Variants in MBD5 observed in about 807,000 individuals in gnomAD.
MBD5 encodes the protein methyl-CpG binding domain protein 5, also known as methyl-CpG-binding domain protein 5.
In MBD5, 13 loss-of-function variants were observed where a neutral mutation model predicts 117.3. The observed-to-expected ratio is 0.11, with a 90% CI of 0.07 to 0.18. The LOEUF (loss-of-function observed/expected upper bound fraction) is 0.18. Among genes scored for constraint, MBD5 ranks in the 10% least tolerant of loss-of-function variants. The probability of loss-of-function intolerance (pLI) is 1.00; values close to 1 mark genes in which losing one functional copy is unlikely to be tolerated. For missense variants in MBD5, 1,879 were observed against 2,093.8 expected (o/e 0.90, Z 2.00); for synonymous variants, 727 against 766.4 (o/e 0.95, Z 0.85).
chr2:148,383,838 A>G (rs575996336), intron 4 of MBD5, among the ~76,000 whole-genome samples: 1 of 152,218 alleles, frequency 6.6e-6, no homozygotes, highest in Admixed American at 6.5e-5. Flanking sequence ...TCCAGCATAT[A>G]AACAGAACCA....
intron 3 of MBD5, among the ~76,000 whole-genome samples, chr2:148,290,652 G>C (rs1701479668): frequency 6.6e-6 from 1 of 152,034 alleles, no homozygotes; most frequent in Admixed American, 6.5e-5. Flanking sequence ...ACTCAGTACA[G>C]TATTTTTAAT....
Position 148,363,962 on chromosome 2 carries a change from C to T in MBD5, c.-557+21626C>T, listed in dbSNP as rs758833553. Among the ~76,000 whole-genome samples, 31 of 152,236 alleles carry T rather than the reference C, an allele frequency of 2.0e-4. 1 individual carries two copies. The highest frequency in any genetic ancestry group is 3.4e-3 in the Middle Eastern group (1 of 294). ...GGAGAACTTCCCCAACCTAGCAAGA[C>T]GGGCCAACATTCAAATTCAGGAAAT... On this transcript the variant is annotated intron_variant, in intron 4 of 13. Transcript: ENST00000642680.
chr2:148,331,796 C>T (rs2105058050), intron 3 of MBD5, among the ~76,000 whole-genome samples: 1 of 151,144 alleles, frequency 6.6e-6, no homozygotes, highest in African/African-American at 2.4e-5. Flanking sequence ...GACTTTCAGA[C>T]ATTGAAAAAA....
chr2:148,343,607 A>G (rs1296263872), intron 4 of MBD5, among the ~76,000 whole-genome samples: 2 of 151,824 alleles, frequency 1.3e-5, no homozygotes, highest in South Asian at 2.1e-4. Flanking sequence ...CTTTTGCCCA[A>G]TTTTTAATGG....
chr2:148,453,449 C>T (rs188448021), intron 4 of MBD5, among the ~76,000 whole-genome samples: 5 of 152,090 alleles, frequency 3.3e-5, no homozygotes, highest in African/African-American at 1.2e-4. Context: ...AACTTTGCAT[C>T]TCATTATTAT....
intron 3 of MBD5, among the ~76,000 whole-genome samples, chr2:148,314,182 A>G (rs1403484229): frequency 1.3e-5 from 2 of 151,926 alleles, no homozygotes; most frequent in Non-Finnish European, 2.9e-5. Context: ...ACTGTCTGTC[A>G]TAGATCAGCA....
chr2:148,066,771 C>T (rs1220826079), intron 1 of MBD5, among the ~76,000 whole-genome samples: 2 of 152,220 alleles, frequency 1.3e-5, no homozygotes, highest in African/African-American at 4.8e-5. Context: ...AGCCACTGTG[C>T]CCAGCTACCA....
intron 3 of MBD5, among the ~76,000 whole-genome samples, chr2:148,254,571 TGAG>T (rs1266984080): frequency 2.0e-5 from 3 of 151,960 alleles, no homozygotes; most frequent in Admixed American, 6.6e-5. Context: ...CTGGGCAACA[TGAG>T]GAGAACAGTG....
intron 4 of MBD5, among the ~76,000 whole-genome samples, chr2:148,409,110 G>T (rs998130578): frequency 6.6e-6 from 1 of 152,088 alleles, no homozygotes; most frequent in African/African-American, 2.4e-5. Context: ...TTTTGACTGG[G>T]TGTGGTGACT....
At chr2:148,349,228 C>T (rs1196766229) in intron 4 of MBD5, among the ~76,000 whole-genome samples, 4 of 151,798 alleles carry the variant, frequency 2.6e-5, no homozygotes, top group Admixed American at 6.6e-5. Context: ...CCTAGATTTA[C>T]CAATGCTATT....
chr2:148,288,736 T>A (rs943854716), intron 3 of MBD5, among the ~76,000 whole-genome samples: 1 of 151,882 alleles, frequency 6.6e-6, no homozygotes, highest in Non-Finnish European at 1.5e-5. Context: ...TAGAAGTGAG[T>A]CTTGAAGTAG....
chr2:148,348,641 C>A (rs1437932315), intron 4 of MBD5, among the ~76,000 whole-genome samples: 1 of 151,930 alleles, frequency 6.6e-6, no homozygotes. Context: ...GAGAAATAAT[C>A]CTAATAAGAA....
chr2:148,483,856 C>G lies in MBD5; in HGVS notation c.3265C>G (p.Leu1089Val), dbSNP rs1196588226. ...AGGATTAATGACCTTGAATCCCCAGCTGTTGGGAGGTGTCCTGAACTCGGC... is the reference window on the plus strand; with the variant it reads ...AGGATTAATGACCTTGAATCCCCAGGTGTTGGGAGGTGTCCTGAACTCGGC... ...ASGLMTLNPQ[L>V]LGGVLNSASA... Residue 1089 changes from leucine (L) to valine (V), a missense_variant, in exon 9 of 14, where the codon CTG (leucine) becomes GTG (valine). Coordinates refer to ENST00000642680, the MANE Select transcript of MBD5 (RefSeq NM_001378120.1). 1.3e-6 allele frequency: 2 copies of G among 1,550,472 alleles called. No homozygotes were observed. Among genetic ancestry groups the G allele is most frequent in the African/African-American group, 2.7e-5 (2 of 73,048 alleles).
chr2:148,107,101 A>G (rs750522260), intron 1 of MBD5, among the ~76,000 whole-genome samples: 18 of 152,114 alleles, frequency 1.2e-4, no homozygotes, highest in Non-Finnish European at 2.2e-4. Flanking sequence ...TAGAGTAGTA[A>G]AACCTCTCAA....
intron 1 of MBD5, among the ~76,000 whole-genome samples, chr2:148,060,945 GC>G (rs1695019902): frequency 6.6e-6 from 1 of 152,026 alleles, no homozygotes; most frequent in South Asian, 2.1e-4. Flanking sequence ...TAATTCTGGT[GC>G]TGATGCTATT....
At chr2:148,380,618 G>T (rs1367729811) in intron 4 of MBD5, among the ~76,000 whole-genome samples, 2 of 152,180 alleles carry the variant, frequency 1.3e-5, no homozygotes, top group African/African-American at 4.8e-5. Flanking sequence ...GCTTTGAAGA[G>T]AGTAGTGGTT....
At position 148,497,052 on chromosome 2, in the gene MBD5, A is replaced by G. The variant is rs148925756; in HGVS notation, c.4963-5384A>G. Among the ~76,000 whole-genome samples, 1,122 of 152,008 alleles carry G rather than the reference A, an allele frequency of 7.4e-3. 12 individuals carry two copies. The highest frequency in any genetic ancestry group is 0.025 in the African/African-American group (1,037 of 41,544). On this transcript the variant is annotated intron_variant, in intron 11 of 13. Coordinates refer to ENST00000642680, the MANE Select transcript of MBD5 (RefSeq NM_001378120.1). ...TTTCAGTTTGAAGATGTTATTTTAA[A>G]AACATATATATTATTTTTAATATTT...
At chr2:148,252,152 T>A (rs1700480442) in intron 3 of MBD5, among the ~76,000 whole-genome samples, 1 of 151,914 alleles carries the variant, frequency 6.6e-6, no homozygotes, top group South Asian at 2.1e-4. Context: ...CTGTCCAGAG[T>A]ATCTGAAGTG....
intron 4 of MBD5, among the ~76,000 whole-genome samples, chr2:148,369,022 A>G (rs1346992644): frequency 6.6e-6 from 1 of 152,182 alleles, no homozygotes; most frequent in East Asian, 1.9e-4. Flanking sequence ...GTCTCCTGAT[A>G]TGATGCATGG....
Sources: allele counts gnomAD v4.1 joint callset (sites outside exome capture counted in the v4.1 genomes callset), GRCh38; gene constraint gnomAD v4.1.1; transcripts MANE v1.5; gene names NCBI Gene and HGNC (gene_info 2026-07-23, HGNC 2026-07-21).